TTC12: variants seen among roughly 807,000 people sequenced by gnomAD.
TTC12 encodes tetratricopeptide repeat domain 12.
Under a neutral mutation model 90.1 loss-of-function variants are expected in TTC12, and 70 were observed. The ratio of observed to expected loss-of-function variants is 0.78; its 90% CI spans 0.64 to 0.95. The LOEUF (loss-of-function observed/expected upper bound fraction) is 0.95. TTC12 is among the 40% of genes least tolerant of loss of function. The pLI is 0.00. For synonymous variants in TTC12, 296 were observed against 311.5 expected (o/e 0.95, Z 0.53); for missense variants, 819 against 846.1 (o/e 0.97, Z 0.40).
downstream of TTC12, among the ~76,000 whole-genome samples, chr11:113,367,802 T>C (rs1406688987): frequency 6.6e-6 from 1 of 152,146 alleles, no homozygotes; most frequent in East Asian, 1.9e-4. Context: ...GGGAGCTCAC[T>C]GGGGCACTCT....
chr11:113,364,882 G>T lies in TTC12; in HGVS notation c.1864G>T (p.Val622Leu). The T allele has an allele frequency of 6.2e-7, 1 of 1,614,204 alleles. No homozygotes were observed. Among genetic ancestry groups the T allele is most frequent in the Non-Finnish European group, 8.5e-7 (1 of 1,180,032 alleles). ...GCTCAGCTCGGAGGATGAGGTTCTG[G>T]TGGGCAACGCTGCCCTCTGCCTTGG... is the stretch of plus-strand genomic sequence containing the variant. The part of the protein sequence containing the change: ...KLLSSEDEVL[V>L]GNAALCLGNC... The change falls in exon 21 of 22, where the codon GTG (valine) becomes TTG (leucine). Residue 622 changes from valine to leucine, a missense_variant. Physicochemically the swap from Val to Leu is conservative, Grantham distance 32. Coordinates refer to ENST00000529221, the MANE Select transcript of TTC12 (RefSeq NM_017868.4).
At chr11:113,353,238 TC>T (rs1412737512) in intron 16 of TTC12, among the ~76,000 whole-genome samples, 3 of 152,260 alleles carry the variant, frequency 2.0e-5, no homozygotes, top group African/African-American at 4.8e-5. Flanking sequence ...GAGCTTTTTT[TC>T]ATGTGCTTAT....
At chr11:113,323,888 A>G (rs1402092166) in intron 3 of TTC12, 106 bp from the exon 4 acceptor site, 12 of 856,414 alleles carry the variant, frequency 1.4e-5, no homozygotes, top group Non-Finnish European at 1.8e-5. Context: ...GTTAAAAGAA[A>G]TGACCTCTTG....
At position 113,320,877 on chromosome 11, in the gene TTC12, CCT is replaced by C. The variant is rs553748720; in HGVS notation, c.59-2410_59-2409del. On this transcript the variant is annotated intron_variant, in intron 2 of 21. Coordinates refer to ENST00000529221, the MANE Select transcript of TTC12 (RefSeq NM_017868.4). ...CCTGCGAGGGGGATCAGAGAACTCCCCTGTTTCACAATCAAATCAACCAGGCA... is the reference window on the plus strand; with the variant it reads ...CCTGCGAGGGGGATCAGAGAACTCCCGTTTCACAATCAAATCAACCAGGCA... 3.3e-5 allele frequency among the ~76,000 whole-genome samples: 5 copies of C among 152,248 alleles called. No individual in the cohort carries two copies. The East Asian group carries it at 9.7e-4, about 29-fold the overall frequency.
chr11:113,335,122 A>G (rs1948291519), intron 8 of TTC12, 85 bp downstream of exon 8: 5 of 988,890 alleles, frequency 5.1e-6, no homozygotes, highest in South Asian at 4.1e-5. Context: ...TGATTCTCCA[A>G]GCTGATTAGG....
At chr11:113,364,382 T>C (rs1353578111) in intron 20 of TTC12, 1 of 228,792 alleles carries the variant, frequency 4.4e-6, no homozygotes, top group Non-Finnish European at 8.7e-6. Flanking sequence ...CTCCCTGGAA[T>C]GCACAGAAGG....
In TTC12 at chr11:113,334,989, A is replaced by G. The variant is rs747929536; in HGVS notation, c.528A>G (p.Ala176=). 4.1e-5 allele frequency: 66 copies of G among 1,613,816 alleles called. 1 individual carries two copies. Among genetic ancestry groups the G allele is most frequent in the South Asian group, 6.6e-5 (6 of 91,070 alleles). Residue 176 remains alanine, a synonymous_variant, in exon 8 of 22, where the codon GCA becomes GCG. Transcript: ENST00000529221. ...AGTGTGATGAAAAATGCACAAAAGC[A>G]TATTTTCACATGGGAAAAGCCAACC... ...ALKCDEKCTK[A]YFHMGKANLA...
chr11:113,357,844 T>C (rs979403570), intron 16 of TTC12, among the ~76,000 whole-genome samples: 2 of 152,212 alleles, frequency 1.3e-5, no homozygotes, highest in Admixed American at 1.3e-4. Flanking sequence ...GTCACTACAC[T>C]CCAATGGGTG....
intron 7 of TTC12, among the ~76,000 whole-genome samples, chr11:113,331,114 A>C (rs1948035877): frequency 2.0e-5 from 3 of 152,176 alleles, no homozygotes; most frequent in African/African-American, 7.2e-5. Flanking sequence ...ATCCTCTAAC[A>C]CTGACATCTG....
Position 113,359,248 on chromosome 11 carries a change from G to A in TTC12, c.1447-115G>A, listed in dbSNP as rs79267903. On this transcript the variant is annotated intron_variant, in intron 16 of 21. Transcript: ENST00000529221. ...ATCCTCCACCATCATTTAGGTTCAT[G>A]ACATTGGCAATTTAGGGAGTGTGGG... 30 of 667,272 alleles carry A rather than the reference G, an allele frequency of 4.5e-5. No individual in the cohort carries two copies. The East Asian group carries it at 7.4e-4, about 16-fold the overall frequency. 41.3% of individuals were successfully genotyped at this position (667,272 alleles called of 1,614,324 possible). A position where few individuals can be genotyped will look rare whatever the true frequency, so the allele number is the denominator to read the frequency against.
In TTC12 at chr11:113,352,001, G is replaced by A. The variant is rs1001054990; in HGVS notation, c.1309-69G>A. ...GTGGGCCTTTTGGTGAGTGAGGGAT[G>A]CACCTAGAGATCATGCGGCATCCTT... On this transcript the variant is annotated intron_variant, in intron 15 of 21. Transcript: ENST00000529221. 6 of 1,549,806 alleles carry A rather than the reference G, an allele frequency of 3.9e-6. No individual in the cohort carries two copies. The Admixed American group carries it at 1.2e-4, about 31-fold the overall frequency.
At chr11:113,317,757 C>T (rs1947034984) in intron 2 of TTC12, among the ~76,000 whole-genome samples, 1 of 152,122 alleles carries the variant, frequency 6.6e-6, no homozygotes, top group East Asian at 1.9e-4. Flanking sequence ...CTCTGTGTTT[C>T]ACACTCTGCA....
chr11:113,322,775 A>G (rs1452730790), intron 2 of TTC12, among the ~76,000 whole-genome samples: 1 of 152,152 alleles, frequency 6.6e-6, no homozygotes, highest in Non-Finnish European at 1.5e-5. Context: ...TAGCAGGGCA[A>G]GGGAGTTGAG....
At chr11:113,373,055 C>G (rs191474550) in intron 21 of TTC12, 3 of 238,248 alleles carry the variant, frequency 1.3e-5, no homozygotes, top group African/African-American at 7.0e-5. Flanking sequence ...TAGGTATCTC[C>G]TGTTAAATAC....
rs557754152 is a variant in TTC12, at chr11:113,362,465, G to T, written c.1679G>T (p.Arg560Leu). 7.4e-6 allele frequency: 12 copies of T among 1,613,762 alleles called. No individual in the cohort carries two copies. Among genetic ancestry groups the T allele is most frequent in the Non-Finnish European group, 8.5e-6 (10 of 1,179,782 alleles). ...SSLKIVEEAL[R>L]AGVVKKMMKF... ...CTGAAAATTGTTGAGGAGGCCTTGC[G>T]AGCAGGAGTGGTAAAGAAAATGATG... Residue 560 changes from arginine to leucine, a missense_variant, in exon 19 of 22, where the codon CGA (arginine) becomes CTA (leucine). Transcript: ENST00000529221.
intron 16 of TTC12, among the ~76,000 whole-genome samples, chr11:113,353,422 G>A (rs1228938205): frequency 1.3e-5 from 2 of 152,128 alleles, no homozygotes; most frequent in Admixed American, 1.3e-4. Flanking sequence ...TAGGTTGTCT[G>A]TTCACTCTGT....
At position 113,329,088 on chromosome 11, in the gene TTC12, A is replaced by T. The variant is rs1275049992; in HGVS notation, c.445-832A>T. ...ACTATCATGAATAATTCTGCTATGA[A>T]CATTCATGTGTAAGCATTTGTATGG... On this transcript the variant is annotated intron_variant, in intron 6 of 21. Coordinates refer to ENST00000529221, the MANE Select transcript of TTC12 (RefSeq NM_017868.4). Among the ~76,000 whole-genome samples the T allele has an allele frequency of 3.3e-5, 5 of 152,196 alleles. No homozygotes were observed. The South Asian group carries it at 8.3e-4, about 25-fold the overall frequency.
chr11:113,361,167 C>T (rs547952041), intron 18 of TTC12, among the ~76,000 whole-genome samples: 1 of 152,114 alleles, frequency 6.6e-6, no homozygotes, highest in East Asian at 1.9e-4. Context: ...AAAGGGGATC[C>T]GTGGTGTCAA....
At chr11:113,329,586 G>A in intron 6 of TTC12, 1 of 481,100 alleles carries the variant, frequency 2.1e-6, no homozygotes, top group South Asian at 1.5e-5. Flanking sequence ...TCTTTTCGCA[G>A]AGCTGTCCTC....
Sources: gnomAD v4.1 joint callset for allele counts (sites outside exome capture counted in the v4.1 genomes callset) on GRCh38, gnomAD v4.1.1 for gene constraint, MANE v1.5 for transcripts, NCBI Gene and HGNC (gene_info 2026-07-23, HGNC 2026-07-21) for gene names.